The following SNTG1 variants were observed in gnomAD, a reference collection of about 807,000 sequenced individuals.
SNTG1 encodes the protein gamma-1-syntrophin.
A neutral mutation model predicts 74.7 loss-of-function variants in SNTG1; 39 were observed. The observed-to-expected ratio is 0.52, with a 90% CI of 0.40 to 0.68. The LOEUF is 0.68. Among genes scored for constraint, SNTG1 ranks in the 30% least tolerant of loss-of-function variants. The pLI, the probability that SNTG1 is intolerant of heterozygous loss-of-function variation, is 0.00. For missense variants in SNTG1, 685 were observed against 609.5 expected (o/e 1.12, Z -1.30); for synonymous variants, 254 against 217.1 (o/e 1.17, Z -1.49).
intron 15 of SNTG1, among the ~76,000 whole-genome samples, chr8:50,686,874 G>A (rs368454181): frequency 2.0e-5 from 3 of 151,944 alleles, no homozygotes; most frequent in South Asian, 2.1e-4. Context: ...GGTGGCTCAC[G>A]CCTGTAATCC....
intron 4 of SNTG1, among the ~76,000 whole-genome samples, chr8:50,409,210 A>G (rs987496180): frequency 6.6e-6 from 1 of 152,188 alleles, no homozygotes; most frequent in African/African-American, 2.4e-5. Flanking sequence ...GTTATGCAGA[A>G]AGTCCTATAA....
At chr8:50,255,892 GC>G (rs67297470) in intron 2 of SNTG1, among the ~76,000 whole-genome samples, 8,232 of 152,120 alleles carry the variant, frequency 0.054, 510 homozygotes, top group South Asian at 0.16. Flanking sequence ...ACTTGACACA[GC>G]AAAACCACTA....
At position 50,432,838 on chromosome 8, in the gene SNTG1, C is replaced by T. The variant is rs535121069; in HGVS notation, c.163-5705C>T. 4.6e-5 allele frequency among the ~76,000 whole-genome samples: 7 copies of T among 151,998 alleles called. No homozygotes were observed. In the South Asian group the frequency reaches 1.2e-3, roughly 27 times the overall value. On this transcript the variant is annotated intron_variant, in intron 4 of 18. Transcript: ENST00000642720. ...ACTCTGTCTCACTCTATTGCCCAGG[C>T]TGGAGTGCAGTGGCACAGTCTCGGC...
At chr8:50,489,483 T>G (rs1019699425) in intron 8 of SNTG1, among the ~76,000 whole-genome samples, 1 of 152,234 alleles carries the variant, frequency 6.6e-6, no homozygotes, top group African/African-American at 2.4e-5. Context: ...TGGTGTGAGA[T>G]GATATCTCAT....
chr8:50,245,076 G>A (rs575439290), intron 2 of SNTG1, among the ~76,000 whole-genome samples: 49 of 152,224 alleles, frequency 3.2e-4, no homozygotes, highest in African/African-American at 4.6e-4. Context: ...AACTCTCAAA[G>A]TGTCTAGGAA....
chr8:50,356,817 G>T (rs1020387889), intron 2 of SNTG1, among the ~76,000 whole-genome samples: 2 of 152,120 alleles, frequency 1.3e-5, no homozygotes, highest in African/African-American at 4.8e-5. Flanking sequence ...GCATTTTTTA[G>T]TCTGATTCTT....
chr8:50,165,655 A>G (rs2082587839), intron 1 of SNTG1, among the ~76,000 whole-genome samples: 1 of 152,078 alleles, frequency 6.6e-6, no homozygotes, highest in South Asian at 2.1e-4. Context: ...TGCCATTTTT[A>G]TTTTCCTTCT....
chr8:50,300,164 T>A (rs2089584451), intron 2 of SNTG1, among the ~76,000 whole-genome samples: 1 of 152,134 alleles, frequency 6.6e-6, no homozygotes, highest in East Asian at 1.9e-4. Context: ...TTTTGTCAAA[T>A]TTATTGTAAT....
At position 50,147,034 on chromosome 8, in the gene SNTG1, AT is replaced by A. The variant is rs529584062; in HGVS notation, c.-102-25517del. Among the ~76,000 whole-genome samples the A allele has an allele frequency of 2.9e-4, 43 of 149,832 alleles. 1 individual carries two copies. The highest frequency in any genetic ancestry group is 2.1e-3 in the East Asian group (11 of 5,144). The stretch of plus-strand genomic sequence containing the variant: ...ACATTTTAATTAAGTCCAATTTTTA[AT>A]TTTTTTTTTACCATATATCCTGTTG... On this transcript the variant is annotated intron_variant, in intron 1 of 18. Transcript: ENST00000642720.
At chr8:50,165,997 C>A (rs2082602484) in intron 1 of SNTG1, among the ~76,000 whole-genome samples, 1 of 137,574 alleles carries the variant, frequency 7.3e-6, no homozygotes. Flanking sequence ...CTTTGACAAA[C>A]CTGAGAAAAA....
intron 18 of SNTG1, among the ~76,000 whole-genome samples, chr8:50,784,848 A>C (rs1419631025): frequency 1.3e-5 from 2 of 152,210 alleles, no homozygotes; most frequent in Non-Finnish European, 2.9e-5. Flanking sequence ...AAAATAATAC[A>C]AATTATGTTC....
intron 1 of SNTG1, among the ~76,000 whole-genome samples, chr8:50,119,189 A>G (rs2080919590): frequency 7.1e-6 from 1 of 141,216 alleles, no homozygotes; most frequent in African/African-American, 2.6e-5. Flanking sequence ...CTTTCTCTAT[A>G]TGGTAAAAAA....
intron 9 of SNTG1, among the ~76,000 whole-genome samples, chr8:50,515,276 T>A (rs2094121649): frequency 6.6e-6 from 1 of 152,068 alleles, no homozygotes; most frequent in African/African-American, 2.4e-5. Flanking sequence ...TATATTATAG[T>A]CTATCAAATG....
At chr8:50,725,012 G>A (rs774305455) in intron 17 of SNTG1, among the ~76,000 whole-genome samples, 2 of 151,998 alleles carry the variant, frequency 1.3e-5, no homozygotes, top group Non-Finnish European at 2.9e-5. Flanking sequence ...TTCTACTAAT[G>A]GAGACAAATA....
intron 2 of SNTG1, chr8:50,382,202 C>G (rs1417039159): frequency 6.6e-6 from 1 of 151,978 alleles, no homozygotes; most frequent in Non-Finnish European, 1.5e-5. Flanking sequence ...TACTTTGTAT[C>G]CCTCAATCCA....
chr8:50,054,366 C>T lies in SNTG1; in HGVS notation c.-102-118195C>T, dbSNP rs558483325. 1.5e-4 allele frequency among the ~76,000 whole-genome samples: 23 copies of T among 152,214 alleles called. No individual in the cohort carries two copies. In the East Asian group the frequency reaches 4.4e-3, roughly 29 times the overall value. ...CAATCACCAAGTTCTATGTACTTTA[C>T]CTTCTAAAGAGATTTTACTTCTCTC... On this transcript the variant is annotated intron_variant, in intron 1 of 18. Coordinates refer to ENST00000642720, the MANE Select transcript of SNTG1 (RefSeq NM_018967.5).
intron 17 of SNTG1, among the ~76,000 whole-genome samples, chr8:50,733,287 A>G (rs2095517501): frequency 6.6e-6 from 1 of 152,022 alleles, no homozygotes; most frequent in Admixed American, 6.6e-5. Flanking sequence ...ACCATGTAGT[A>G]TTCCATGATG....
chr8:50,549,926 AG>A (rs1448853273), intron 11 of SNTG1, among the ~76,000 whole-genome samples: 3 of 152,228 alleles, frequency 2.0e-5, no homozygotes, highest in African/African-American at 7.2e-5. Flanking sequence ...AATGACTTTA[AG>A]GGGGAAATTA....
chr8:50,541,476 T>C (rs962399598), intron 11 of SNTG1, among the ~76,000 whole-genome samples: 7 of 152,124 alleles, frequency 4.6e-5, no homozygotes, highest in African/African-American at 1.7e-4. Context: ...ACCTCTGTTA[T>C]TTGATCATAT....
Sources: allele counts gnomAD v4.1 joint callset (sites outside exome capture counted in the v4.1 genomes callset), GRCh38; gene constraint gnomAD v4.1.1; transcripts MANE v1.5; gene names NCBI Gene and HGNC (gene_info 2026-07-23, HGNC 2026-07-21).